Variants in CFAP47 observed in about 807,000 individuals in gnomAD.
CFAP47 encodes cilia- and flagella-associated protein 47.
A neutral mutation model predicts 148.1 loss-of-function variants in CFAP47; 29 were observed. The observed-to-expected ratio is 0.20, with a 90% confidence interval of 0.15 to 0.27. The LOEUF (loss-of-function observed/expected upper bound fraction) is 0.27, where lower values mean the gene tolerates loss of function less well. Ranked by LOEUF, CFAP47 falls within the 10% of genes least tolerant of loss-of-function variation. The pLI, the probability that CFAP47 is intolerant of heterozygous loss-of-function variation, is 1.00. For missense variants in CFAP47, 1,872 were observed against 1,697.5 expected, an observed-to-expected ratio of 1.10 and a Z score of -1.81; for synonymous variants, 664 against 577.3, an observed-to-expected ratio of 1.15 and a Z score of -2.15.
At chrX:36,085,053 T>G (rs1335264485) in intron 29 of CFAP47, among the ~76,000 whole-genome samples, 1 of 111,398 alleles carries the variant, frequency 9.0e-6, no homozygotes, top group Non-Finnish European at 1.9e-5. Flanking sequence ...AGATCCAATC[T>G]ATTCATAATC....
chrX:36,044,564 G>GC (rs1029613164), intron 25 of CFAP47, among the ~76,000 whole-genome samples: 3 of 112,285 alleles, frequency 2.7e-5, no homozygotes, highest in Admixed American at 9.4e-5. Flanking sequence ...AGGGCGACAT[G>GC]CCACCAGTCT....
At chrX:36,234,835 A>G (rs1011201823) in intron 46 of CFAP47, among the ~76,000 whole-genome samples, 2 of 111,714 alleles carry the variant, frequency 1.8e-5, no homozygotes, top group African/African-American at 6.5e-5. Context: ...CTTCTAAGAG[A>G]CAGGAGCCTC....
intron 1 of CFAP47, among the ~76,000 whole-genome samples, chrX:35,924,189 A>G (rs1490443957): frequency 1.9e-5 from 2 of 104,733 alleles, no homozygotes; most frequent in Admixed American, 1.0e-4. Flanking sequence ...GCGTACATGT[A>G]TGTGTATATA....
At chrX:36,168,586 T>G (rs1167160290) in intron 39 of CFAP47, among the ~76,000 whole-genome samples, 4 of 111,681 alleles carry the variant, frequency 3.6e-5, no homozygotes, top group Non-Finnish European at 7.5e-5. Flanking sequence ...TTTTTTTGTC[T>G]TTTTCTTTTT....
Position 36,265,696 on chromosome X carries a change from GT to G in CFAP47, c.7444+14253del, listed in dbSNP as rs1940883073. Among the ~76,000 whole-genome samples the G allele has an allele frequency of 1.3e-4, 15 of 111,927 alleles. No individual in the cohort carries two copies. In the South Asian group the frequency reaches 5.7e-3, roughly 42 times the overall value. ...TTGCCATCCAGATTTTGAATTCTAT[GT>G]CTGACATTTCAGCCATTTCAATCTG... On this transcript the variant is annotated intron_variant, in intron 49 of 63. Transcript: ENST00000378653.
rs192420958 is a variant in CFAP47 at position 36,192,694 on chromosome X, C to G, written c.6321+2498C>G. Among the ~76,000 whole-genome samples the G allele has an allele frequency of 3.3e-3, 373 of 111,601 alleles. 1 individual carries two copies. The highest frequency in any genetic ancestry group is 0.011 in the African/African-American group (333 of 30,686). On this transcript the variant is annotated intron_variant, in intron 42 of 63. Coordinates refer to ENST00000378653, the MANE Select transcript of CFAP47 (RefSeq NM_001304548.2). ...CTTCAGTGTTTTTTATTGACTTGAC[C>G]CAGAGCCTCCCTTCCACCTGGTAGA... is the stretch of plus-strand genomic sequence containing the variant.
chrX:35,955,948 A>T lies in CFAP47; in HGVS notation c.1175-13A>T. 1 of 1,208,228 alleles carries T rather than the reference A, an allele frequency of 8.3e-7. No individual in the cohort carries two copies. Among genetic ancestry groups the T allele is most frequent in the Non-Finnish European group, 1.1e-6 (1 of 893,670 alleles). On this transcript the variant is annotated splice_polypyrimidine_tract_variant and intron_variant, in intron 7 of 63. Coordinates refer to ENST00000378653, the MANE Select transcript of CFAP47 (RefSeq NM_001304548.2). ...ACACTTTTTATGTTCAACAGCTATT[A>T]TTGCTTTTACAGGTGAACGATTTCA... is the stretch of plus-strand genomic sequence containing the variant.
chrX:36,359,774 G>A (rs781974401), intron 60 of CFAP47, among the ~76,000 whole-genome samples: 6 of 110,782 alleles, frequency 5.4e-5, no homozygotes, highest in African/African-American at 2.0e-4. Context: ...TTTTTGAGAC[G>A]GAATCTCGCT....
At chrX:36,319,096 T>G (rs1041753108) in intron 56 of CFAP47, 113 bp from the exon 57 acceptor site, 24 of 355,536 alleles carry the variant, frequency 6.8e-5, no homozygotes, top group Non-Finnish European at 9.8e-5. Context: ...TGAAAGATAT[T>G]CATCTTATAA....
chrX:35,927,869 C>T (rs944765566), intron 2 of CFAP47, among the ~76,000 whole-genome samples: 36 of 110,264 alleles, frequency 3.3e-4, no homozygotes, highest in African/African-American at 1.1e-3. Context: ...AATCGAATCA[C>T]ACACTATGTA....
intron 22 of CFAP47, among the ~76,000 whole-genome samples, chrX:36,028,633 G>C (rs1315084585): frequency 9.0e-6 from 1 of 111,181 alleles, no homozygotes; most frequent in Non-Finnish European, 1.9e-5. Flanking sequence ...TGAGATTGCT[G>C]TCATTATTTG....
chrX:36,228,498 T>C, intron 45 of CFAP47, 130 bp from the exon 46 acceptor site: 1 of 445,661 alleles, frequency 2.2e-6, no homozygotes, highest in Non-Finnish European at 4.0e-6. Context: ...AGAAGTATTG[T>C]GTTATCCCAG....
At chrX:36,293,618 A>G (rs1941213514) in intron 51 of CFAP47, among the ~76,000 whole-genome samples, 1 of 112,408 alleles carries the variant, frequency 8.9e-6, no homozygotes, top group African/African-American at 3.2e-5. Flanking sequence ...GGAGAAAACT[A>G]GTGACACAGC....
At chrX:36,026,497 T>A (rs1441523934) in intron 22 of CFAP47, among the ~76,000 whole-genome samples, 1 of 111,539 alleles carries the variant, frequency 9.0e-6, no homozygotes. Context: ...ATAATTAACA[T>A]TAGTCCTCAT....
chrX:36,034,335 T>G (rs1937315147), intron 23 of CFAP47, among the ~76,000 whole-genome samples: 1 of 111,068 alleles, frequency 9.0e-6, no homozygotes, highest in Non-Finnish European at 1.9e-5. Context: ...ATACATGATA[T>G]GAAAATAACT....
At chrX:36,328,779 C>T (rs1556013555) in intron 57 of CFAP47, among the ~76,000 whole-genome samples, 1 of 97,602 alleles carries the variant, frequency 1.0e-5, no homozygotes, top group African/African-American at 3.8e-5. Context: ...CACTGCAGTC[C>T]GCAGTCCGGC....
At chrX:36,342,450 A>G (rs1450788624) in intron 57 of CFAP47, among the ~76,000 whole-genome samples, 1 of 112,024 alleles carries the variant, frequency 8.9e-6, no homozygotes, top group African/African-American at 3.2e-5. Context: ...TGGAAAAGAA[A>G]GCAGTTAGTC....
intron 44 of CFAP47, among the ~76,000 whole-genome samples, chrX:36,202,731 G>A (rs1939995126): frequency 1.8e-5 from 2 of 110,061 alleles, no homozygotes; most frequent in Non-Finnish European, 3.8e-5. Context: ...AAAAAACTTA[G>A]CCTAGTGTGG....
chrX:36,211,984 G>C (rs782240487), intron 45 of CFAP47, among the ~76,000 whole-genome samples: 2 of 111,248 alleles, frequency 1.8e-5, no homozygotes, highest in South Asian at 3.7e-4. Context: ...GTAAATTGGC[G>C]TGGAAATTTA....
Sources: allele counts gnomAD v4.1 joint callset (sites outside exome capture counted in the v4.1 genomes callset), GRCh38; gene constraint gnomAD v4.1.1; transcripts MANE v1.5; gene names NCBI Gene and HGNC (gene_info 2026-07-23, HGNC 2026-07-21).